KDM6A: variants seen among roughly 807,000 people sequenced by gnomAD.
KDM6A encodes lysine-specific demethylase 6A.
KDM6A carries 11 observed loss-of-function variants against 117.6 expected under a neutral mutation model. The ratio of observed to expected loss-of-function variants is 0.09; its 90% CI spans 0.06 to 0.15. The LOEUF is 0.15. Among genes scored for constraint, KDM6A ranks in the 10% least tolerant of loss-of-function variants. The probability of loss-of-function intolerance (pLI) is 1.00; values close to 1 mark genes in which losing one functional copy is unlikely to be tolerated. For synonymous variants in KDM6A, 384 were observed against 396.1 expected (o/e 0.97, Z 0.36); for missense variants, 799 against 1,077.3 (o/e 0.74, Z 3.62).
chrX:45,012,682 A>G (rs1204329025), intron 5 of KDM6A, among the ~76,000 whole-genome samples: 1 of 111,543 alleles, frequency 9.0e-6, no homozygotes, highest in Non-Finnish European at 1.9e-5. Flanking sequence ...TTACATATGC[A>G]TTGACAGTGA....
intron 2 of KDM6A, among the ~76,000 whole-genome samples, chrX:44,916,210 A>G (rs757734250): frequency 3.6e-5 from 4 of 110,986 alleles, no homozygotes; most frequent in East Asian, 2.8e-4. Flanking sequence ...AAGGGGGACT[A>G]CTGTATTTTT....
chrX:44,891,266 T>G (rs758053502), intron 2 of KDM6A, among the ~76,000 whole-genome samples: 6 of 111,498 alleles, frequency 5.4e-5, no homozygotes, highest in Admixed American at 2.9e-4. Context: ...GTTTATTTAT[T>G]TATTTTTCTA....
intron 10 of KDM6A, among the ~76,000 whole-genome samples, chrX:45,054,693 G>A (rs764935571): frequency 1.8e-5 from 2 of 111,897 alleles, no homozygotes; most frequent in African/African-American, 6.5e-5. Context: ...ATGGTGAAAA[G>A]ATCAATGTAC....
At chrX:44,920,602 C>CTAATTTTTTG (rs1392155687) in intron 2 of KDM6A, among the ~76,000 whole-genome samples, 1 of 109,031 alleles carries the variant, frequency 9.2e-6, no homozygotes, top group Non-Finnish European at 1.9e-5. Context: ...CCACGCCTGG[C>CTAATTTTTTG]TAATTTTTTG....
At chrX:45,020,481 C>A in intron 5 of KDM6A, 129 bp from the exon 6 acceptor site, 1 of 695,866 alleles carries the variant, frequency 1.4e-6, no homozygotes, top group Non-Finnish European at 2.2e-6. Context: ...TATTTATTAA[C>A]ATCATTTTTA....
At chrX:44,901,380 G>A (rs756050522) in intron 2 of KDM6A, among the ~76,000 whole-genome samples, 5 of 110,328 alleles carry the variant, frequency 4.5e-5, no homozygotes, top group African/African-American at 1.7e-4. Flanking sequence ...ATATATATAC[G>A]GGGACTTGTT....
At chrX:45,102,287 A>G (rs2046364004) in intron 27 of KDM6A, among the ~76,000 whole-genome samples, 1 of 111,951 alleles carries the variant, frequency 8.9e-6, no homozygotes, top group South Asian at 3.7e-4. Flanking sequence ...AGTGAATCTT[A>G]TCAGACAAAT....
intron 4 of KDM6A, among the ~76,000 whole-genome samples, chrX:44,999,994 G>A (rs139717760): frequency 0.015 from 1,712 of 112,287 alleles, 12 homozygotes; most frequent in Non-Finnish European, 0.023. Context: ...TCATTGGACA[G>A]AGCAGTCAGA....
chrX:44,923,531 T>A (rs1269039318), intron 2 of KDM6A, among the ~76,000 whole-genome samples: 1 of 102,283 alleles, frequency 9.8e-6, no homozygotes, highest in Non-Finnish European at 2.0e-5. Flanking sequence ...GTGTCTAATC[T>A]TCTCTGCTTT....
chrX:44,941,770 C>T (rs1285741852), intron 2 of KDM6A, among the ~76,000 whole-genome samples: 9 of 110,131 alleles, frequency 8.2e-5, no homozygotes, highest in Admixed American at 5.8e-4. Flanking sequence ...TGAGCCACCG[C>T]GACTGGCAAT....
chrX:45,052,846 C>T (rs1228597743), intron 9 of KDM6A, among the ~76,000 whole-genome samples: 4 of 111,037 alleles, frequency 3.6e-5, no homozygotes, highest in African/African-American at 6.6e-5. Flanking sequence ...CATGCCACCA[C>T]GCCTGGCTGA....
At chrX:45,096,151 A>G (rs1356774913) in intron 27 of KDM6A, among the ~76,000 whole-genome samples, 2 of 112,015 alleles carry the variant, frequency 1.8e-5, no homozygotes, top group East Asian at 2.8e-4. Context: ...GAGAAGATAT[A>G]CAAACATAGT....
intron 5 of KDM6A, among the ~76,000 whole-genome samples, chrX:45,014,669 G>A (rs2041892045): frequency 8.9e-6 from 1 of 111,915 alleles, no homozygotes; most frequent in African/African-American, 3.3e-5. Flanking sequence ...ATCCTAGGGT[G>A]AGAGTAAGTG....
chrX:45,054,042 T>A, intron 10 of KDM6A, 87 bp downstream of exon 10: 1 of 920,671 alleles, frequency 1.1e-6, no homozygotes, highest in African/African-American at 1.9e-5. Context: ...TTTACATATG[T>A]AACCTGATCA....
chrX:44,964,665 A>T (rs2038916537), intron 3 of KDM6A, among the ~76,000 whole-genome samples: 1 of 111,530 alleles, frequency 9.0e-6, no homozygotes, highest in Non-Finnish European at 1.9e-5. Flanking sequence ...GGCTGAAAAT[A>T]TTCAGTCGAC....
At chrX:44,897,125 C>T (rs941242891) in intron 2 of KDM6A, among the ~76,000 whole-genome samples, 4 of 105,580 alleles carry the variant, frequency 3.8e-5, no homozygotes, top group African/African-American at 1.4e-4. Flanking sequence ...CCATAGGTCC[C>T]TGAGGCTTTG....
intron 4 of KDM6A, among the ~76,000 whole-genome samples, chrX:45,006,169 C>A (rs999161015): frequency 2.4e-4 from 21 of 88,067 alleles, no homozygotes; most frequent in Non-Finnish European, 1.3e-4. Context: ...CTGCGCCCCC[C>A]CCCGCCGCCA....
Position 45,062,744 on chromosome X carries a change from A to T in KDM6A, c.1679A>T (p.His560Leu), listed in dbSNP as rs1320064373. ...LESQFVLMQQ[H>L]QMRPTGVAQV... is the part of the protein sequence containing the mutation. ...AGTCAGTTTGTCTTAATGCAACAAC[A>T]CCAAGTGTGTATAGCATATTTTTCC... The change falls in exon 16 of 30, where the codon CAC becomes CTC. Residue 560 changes from histidine (H) to leucine (L), a missense_variant. By Grantham distance (99) the His-to-Leu change is moderately conservative (BLOSUM62 -3). Coordinates refer to ENST00000611820, the MANE Select transcript of KDM6A (RefSeq NM_001291415.2). 8.7e-7 allele frequency: 1 copy of T among 1,145,550 alleles called. No individual in the cohort carries two copies. Among genetic ancestry groups the T allele is most frequent in the African/African-American group, 1.8e-5 (1 of 56,657 alleles). The allele number at this position is 1,145,550 out of a possible 1,213,427, so 94.4% of individuals were successfully genotyped here.
intron 5 of KDM6A, among the ~76,000 whole-genome samples, chrX:45,019,478 G>A (rs182748217): frequency 8.9e-6 from 1 of 111,899 alleles, no homozygotes; most frequent in African/African-American, 3.2e-5. Flanking sequence ...AGTAAATAAT[G>A]TATGAATTGA....
Sources: gnomAD v4.1 joint callset for allele counts (sites outside exome capture counted in the v4.1 genomes callset) on GRCh38, gnomAD v4.1.1 for gene constraint, MANE v1.5 for transcripts, NCBI Gene and HGNC (gene_info 2026-07-23, HGNC 2026-07-21) for gene names.